The following NDUFAF6 variants were observed in gnomAD, a reference collection of about 807,000 sequenced individuals.
NDUFAF6 encodes NADH:ubiquinone oxidoreductase complex assembly factor 6, also known as NADH dehydrogenase (ubiquinone) complex I, assembly factor 6.
A neutral mutation model predicts 40.8 loss-of-function variants in NDUFAF6; 45 were observed. The observed-to-expected ratio is 1.10, with a 90% CI of 0.87 to 1.42. The LOEUF is 1.42. Ranked by LOEUF, NDUFAF6 falls within the 40% of genes most tolerant of loss-of-function variation. The probability of loss-of-function intolerance (pLI) is 0.00; values close to 1 mark genes in which losing one functional copy is unlikely to be tolerated. For synonymous variants in NDUFAF6, 185 were observed against 155.9 expected, an observed-to-expected ratio of 1.19 and a Z score of -1.39; for missense variants, 435 against 418.5, an observed-to-expected ratio of 1.04 and a Z score of -0.34.
At chr8:95,052,821 T>TC (rs1402290390) in intron 8 of NDUFAF6, among the ~76,000 whole-genome samples, 2 of 152,130 alleles carry the variant, frequency 1.3e-5, no homozygotes, top group African/African-American at 4.8e-5. Context: ...TTTAAGAAGT[T>TC]CCCCAGGTGA....
At chr8:95,077,021 A>G (rs536793249), downstream of NDUFAF6, among the ~76,000 whole-genome samples, 22 of 152,328 alleles carry the variant, frequency 1.4e-4, no homozygotes, top group South Asian at 4.3e-3. Flanking sequence ...CTAATCCACT[A>G]TAACTGATGT....
rs117408367 is a variant in NDUFAF6 at position 94,905,550 on chromosome 8, A to G, written c.-936+9623A>G. ...CACTTGGGTGGGTTTCAACAAGCCC[A>G]GAGCTTCCCTGGTCCTTCCCCAGCC... is the stretch of plus-strand genomic sequence containing the variant. On this transcript the variant is annotated intron_variant, in intron 1 of 14. Transcript: ENST00000396113. 5.1e-3 allele frequency among the ~76,000 whole-genome samples: 779 copies of G among 152,274 alleles called. 4 individuals carry two copies. Among genetic ancestry groups the G allele is most frequent in the South Asian group, 8.9e-3 (43 of 4,818 alleles).
intron 2 of NDUFAF6, among the ~76,000 whole-genome samples, chr8:94,948,541 C>G (rs966557616): frequency 6.6e-6 from 1 of 152,280 alleles, no homozygotes; most frequent in Admixed American, 6.5e-5. Context: ...AGGCGGGGGC[C>G]GGTGGCCGGG....
At chr8:95,105,080 G>C (rs199915210), downstream of NDUFAF6, among the ~76,000 whole-genome samples, 664 of 43,660 alleles carry the variant, frequency 0.015, 8 homozygotes, top group African/African-American at 0.037. Flanking sequence ...GAGAGAGAGA[G>C]AGAGAGAGAG....
rs542687915 is a variant in NDUFAF6, at chr8:94,915,830, A to G, written c.-936+19903A>G. Among the ~76,000 whole-genome samples, 5 of 152,304 alleles carry G rather than the reference A, an allele frequency of 3.3e-5. No homozygotes were observed. The South Asian group carries it at 1.0e-3, about 32-fold the overall frequency. Reference sequence around the variant, plus strand: ...GAAATGAGTGGTTAAGTTTCTGTCTAGGAACTGGGGAACAAATAGGAGGAC... The same window carrying G: ...GAAATGAGTGGTTAAGTTTCTGTCTGGGAACTGGGGAACAAATAGGAGGAC... On this transcript the variant is annotated intron_variant, in intron 1 of 14. Coordinates refer to the NDUFAF6 transcript ENST00000396113.
chr8:94,993,402 G>A (rs1017517219), intron 2 of NDUFAF6, among the ~76,000 whole-genome samples: 1 of 152,196 alleles, frequency 6.6e-6, no homozygotes, highest in African/African-American at 2.4e-5. Flanking sequence ...CCAGTAAGGG[G>A]TTTAATCTCT....
intron 2 of NDUFAF6, among the ~76,000 whole-genome samples, chr8:95,093,031 G>A (rs997171415): frequency 1.3e-5 from 2 of 150,442 alleles, no homozygotes; most frequent in African/African-American, 2.5e-5. Flanking sequence ...AACATATGCC[G>A]AGTTCCCTGA....
At chr8:95,112,916 T>C (rs978938065) in intron 4 of NDUFAF6, among the ~76,000 whole-genome samples, 1 of 152,390 alleles carries the variant, frequency 6.6e-6, no homozygotes, top group African/African-American at 2.4e-5. Flanking sequence ...GTTGCCACGA[T>C]GGAGCAAAGT....
downstream of NDUFAF6, among the ~76,000 whole-genome samples, chr8:95,081,058 C>T (rs1315067475): frequency 1.4e-5 from 2 of 147,740 alleles, no homozygotes; most frequent in African/African-American, 2.5e-5. Flanking sequence ...GCTGCACTGT[C>T]TTAGGCTCTG....
chr8:95,109,380 G>A (rs1399852807), intron 4 of NDUFAF6, among the ~76,000 whole-genome samples: 1 of 152,194 alleles, frequency 6.6e-6, no homozygotes, highest in Non-Finnish European at 1.5e-5. Flanking sequence ...ATGTCTGTAA[G>A]GTCTGTATGA....
intron 2 of NDUFAF6, among the ~76,000 whole-genome samples, chr8:94,991,804 C>A (rs1396352979): frequency 1.4e-5 from 2 of 141,990 alleles, no homozygotes; most frequent in African/African-American, 2.5e-5. Flanking sequence ...TCGCCCCCCC[C>A]CCCTTTTTTT....
intron 1 of NDUFAF6, among the ~76,000 whole-genome samples, chr8:94,979,441 C>G (rs1825231554): frequency 6.6e-6 from 1 of 152,126 alleles, no homozygotes; most frequent in African/African-American, 2.4e-5. Context: ...GTCTTTCACA[C>G]CCCTCTCTCT....
At chr8:94,981,552 A>C (rs1421384228) in intron 2 of NDUFAF6, among the ~76,000 whole-genome samples, 1 of 152,138 alleles carries the variant, frequency 6.6e-6, no homozygotes, top group African/African-American at 2.4e-5. Context: ...AAGGGAACAC[A>C]TCTTTTGAGC....
At chr8:94,952,988 G>A (rs1822752959) in intron 2 of NDUFAF6, among the ~76,000 whole-genome samples, 1 of 152,222 alleles carries the variant, frequency 6.6e-6, no homozygotes, top group Non-Finnish European at 1.5e-5. Context: ...CTAGTTTCTG[G>A]AAAGTACTTT....
At chr8:94,942,904 G>A (rs1821680949) in intron 1 of NDUFAF6, among the ~76,000 whole-genome samples, 1 of 152,188 alleles carries the variant, frequency 6.6e-6, no homozygotes, top group Non-Finnish European at 1.5e-5. Flanking sequence ...CAGGAACCAG[G>A]TCCTGCAGGG....
intron 2 of NDUFAF6, among the ~76,000 whole-genome samples, chr8:95,016,728 G>A (rs1241423668): frequency 6.6e-6 from 1 of 152,108 alleles, no homozygotes; most frequent in Non-Finnish European, 1.5e-5. Flanking sequence ...GCGACAGAGA[G>A]AGACTCCATC....
chr8:94,896,313 G>T, intron 1 of NDUFAF6: 1 of 147,662 alleles, frequency 6.8e-6, no homozygotes, highest in South Asian at 1.9e-4. Flanking sequence ...CGCGCGAGCC[G>T]GCAGCGCGGG....
chr8:95,108,206 A>C (rs544322931), downstream of NDUFAF6, among the ~76,000 whole-genome samples: 3 of 152,304 alleles, frequency 2.0e-5, no homozygotes, highest in South Asian at 6.2e-4. Flanking sequence ...TAGTAATTCC[A>C]CTTCTGGGTA....
chr8:94,939,987 T>C, intron 1 of NDUFAF6: 1 of 1,614,182 alleles, frequency 6.2e-7, no homozygotes, highest in Non-Finnish European at 8.5e-7. Context: ...ATAGGACTTG[T>C]TTCCACCTTG....
Sources: gnomAD v4.1 joint callset for allele counts (sites outside exome capture counted in the v4.1 genomes callset) on GRCh38, gnomAD v4.1.1 for gene constraint, MANE v1.5 for transcripts, NCBI Gene and HGNC (gene_info 2026-07-23, HGNC 2026-07-21) for gene names.